Variants in GAK observed in about 807,000 individuals in gnomAD.
GAK encodes cyclin-G-associated kinase.
GAK carries 79 observed loss-of-function variants against 143.9 expected under a neutral mutation model. The observed-to-expected ratio is 0.55, with a 90% CI of 0.46 to 0.66. The LOEUF is 0.66. Ranked by LOEUF, GAK falls within the 30% of genes least tolerant of loss-of-function variation. The probability of loss-of-function intolerance (pLI) is 0.00; values close to 1 mark genes in which losing one functional copy is unlikely to be tolerated. For synonymous variants in GAK, 881 were observed against 765.5 expected (o/e 1.15, Z -2.49); for missense variants, 1,693 against 1,779.7 (o/e 0.95, Z 0.88).
In GAK at chr4:867,227, T is replaced by C; in HGVS notation, c.2601A>G (p.Thr867=). The change falls in exon 21 of 28, where the codon ACA becomes ACG. Residue 867 remains threonine, a synonymous_variant. Coordinates refer to ENST00000314167, the MANE Select transcript of GAK (RefSeq NM_005255.4). ...VQQDLVFEVE[T]PAVLPEPVPQ... is the part of the protein sequence containing the mutation. ...GCACAGGCTCTGGCAGCACAGCCGG[T>C]GTCTCCACCTCAAAAACCAAGTCCT... The C allele has an allele frequency of 3.1e-6, 5 of 1,612,780 alleles. No individual in the cohort carries two copies. Among genetic ancestry groups the C allele is most frequent in the Non-Finnish European group, 3.4e-6 (4 of 1,179,594 alleles).
intron 14 of GAK, 86 bp downstream of exon 14, chr4:882,611 T>C (rs3736086): frequency 0.05 from 76,218 of 1,521,920 alleles, 2,076 homozygotes; most frequent in Middle Eastern, 0.065. Flanking sequence ...CCCCAGCTCA[T>C]GACTGGCGCT....
chr4:870,989 A>G, intron 18 of GAK, 85 bp from the exon 19 acceptor site: 12 of 1,240,274 alleles, frequency 9.7e-6, no homozygotes, highest in South Asian at 1.5e-5. Context: ...ACGTGCATGG[A>G]AACAGGTGGC....
intron 1 of GAK, among the ~76,000 whole-genome samples, chr4:914,476 A>C (rs886395988): frequency 6.4e-4 from 27 of 42,004 alleles, no homozygotes; most frequent in South Asian, 1.2e-3. Flanking sequence ...GCACGGCCCC[A>C]CACACACACA....
chr4:868,436 T>C (rs968650060), intron 20 of GAK, 103 bp downstream of exon 20: 6 of 1,254,930 alleles, frequency 4.8e-6, no homozygotes, highest in African/African-American at 3.0e-5. Context: ...GCAACTCAGC[T>C]CTGCCGGAGG....
intron 11 of GAK, chr4:888,248 C>A (rs1716922243): frequency 6.6e-6 from 1 of 152,374 alleles, no homozygotes. Context: ...GATGAGCAGC[C>A]AGCGTGCTCC....
rs535253998 is a variant in GAK, at chr4:878,758, G to A, written c.1662-949C>T. On this transcript the variant is annotated intron_variant, in intron 15 of 27. Coordinates refer to ENST00000314167, the MANE Select transcript of GAK (RefSeq NM_005255.4). ...TTGGTAGCACAGCTCTGGCTTTCCC[G>A]TGGCTGGCGTTCCCGTGGTGCCTCT... Among the ~76,000 whole-genome samples, 11 of 152,322 alleles carry A rather than the reference G, an allele frequency of 7.2e-5. No homozygotes were observed. The East Asian group carries it at 9.7e-4, about 13-fold the overall frequency.
chr4:913,978 A>C (rs374713085), intron 1 of GAK: 4,644 of 171,226 alleles, frequency 0.027, 280 homozygotes, highest in East Asian at 0.12. Context: ...CACGGCCCCC[A>C]CACACACAGC....
intron 4 of GAK, among the ~76,000 whole-genome samples, chr4:906,185 C>A (rs967696792): frequency 2.0e-5 from 3 of 151,866 alleles, no homozygotes; most frequent in Non-Finnish European, 3.0e-5. Context: ...GCCGAGCCGG[C>A]GAGCCGTTAA....
intron 5 of GAK, among the ~76,000 whole-genome samples, chr4:901,711 C>T (rs1394991864): frequency 2.0e-5 from 3 of 152,250 alleles, no homozygotes; most frequent in Non-Finnish European, 2.9e-5. Context: ...ACAAGAGACG[C>T]CACGGGGCTG....
At chr4:881,854 G>A in intron 15 of GAK, 53 bp downstream of exon 15, 2 of 1,520,378 alleles carry the variant, frequency 1.3e-6, no homozygotes, top group Non-Finnish European at 8.9e-7. Flanking sequence ...GGGGGCGGCA[G>A]TGCCACACGG....
At chr4:892,516 C>T (rs1222769466) in intron 9 of GAK, among the ~76,000 whole-genome samples, 2 of 152,232 alleles carry the variant, frequency 1.3e-5, no homozygotes, top group Non-Finnish European at 1.5e-5. Flanking sequence ...CCAGCCAACA[C>T]GTGCTGCTCC....
chr4:883,940 G>C, intron 12 of GAK, 97 bp downstream of exon 12: 1 of 1,212,946 alleles, frequency 8.2e-7, no homozygotes, highest in Non-Finnish European at 1.2e-6. Context: ...AGAGAAGGCT[G>C]GAGCAGAGGC....
chr4:900,807 G>A (rs561059997), intron 5 of GAK, among the ~76,000 whole-genome samples: 2 of 152,314 alleles, frequency 1.3e-5, no homozygotes, highest in East Asian at 3.9e-4. Flanking sequence ...TACAAGGAAA[G>A]AAGAAACAGA....
chr4:920,165 C>T (rs935874300), intron 1 of GAK, among the ~76,000 whole-genome samples: 1 of 151,650 alleles, frequency 6.6e-6, no homozygotes, highest in Non-Finnish European at 1.5e-5. Context: ...AAAATTAGCC[C>T]GGTATGGTGG....
chr4:905,934 TC>T (rs1338690798), intron 4 of GAK, among the ~76,000 whole-genome samples: 1 of 152,212 alleles, frequency 6.6e-6, no homozygotes, highest in Non-Finnish European at 1.5e-5. Flanking sequence ...AGGGGTGGGC[TC>T]GGAGCAGCCC....
rs202016140 is a variant in GAK at position 866,388 on chromosome 4, A to G, written c.3019T>C (p.Cys1007Arg). ...PSAHSAPPPS[C>R]SADFLHLGDL... is the part of the protein sequence containing the mutation. ...CCCAGGTGCAGGAAGTCGGCGCTGCAGGATGGGGGCGGAGCACTGTGGGCA... is the reference window on the plus strand; with the variant it reads ...CCCAGGTGCAGGAAGTCGGCGCTGCGGGATGGGGGCGGAGCACTGTGGGCA... The change falls in exon 22 of 28, where the codon TGC becomes CGC. Residue 1007 changes from cysteine to arginine, a missense_variant. By Grantham distance (180) the Cys-to-Arg change is radical. Coordinates refer to ENST00000314167, the MANE Select transcript of GAK (RefSeq NM_005255.4). 2.5e-6 allele frequency: 4 copies of G among 1,614,060 alleles called. No homozygotes were observed. The Admixed American group carries it at 6.7e-5, about 27-fold the overall frequency.
intron 1 of GAK, among the ~76,000 whole-genome samples, chr4:914,444 CCCA>C (rs1177756555): frequency 6.1e-5 from 7 of 113,842 alleles, no homozygotes; most frequent in Admixed American, 8.5e-5. Context: ...GTGCACGGCC[CCCA>C]CACACACAGC....
At chr4:868,867 G>A (rs1006143555) in intron 19 of GAK, 182 bp from the exon 20 acceptor site, 24 of 631,428 alleles carry the variant, frequency 3.8e-5, no homozygotes, top group East Asian at 8.4e-5. Context: ...CTATCCACTC[G>A]GATGCCACTC....
chr4:877,944 CTGA>C (rs1455865674), intron 15 of GAK, 135 bp from the exon 16 acceptor site: 10 of 646,752 alleles, frequency 1.5e-5, no homozygotes, highest in East Asian at 8.8e-5. Context: ...CCTAACAAAT[CTGA>C]TGTTATAATT....
Sources: gnomAD v4.1 joint callset for allele counts (sites outside exome capture counted in the v4.1 genomes callset) on GRCh38, gnomAD v4.1.1 for gene constraint, MANE v1.5 for transcripts, NCBI Gene and HGNC (gene_info 2026-07-23, HGNC 2026-07-21) for gene names.